LRRC7: variants seen among roughly 807,000 people sequenced by gnomAD.
LRRC7 encodes the protein leucine-rich repeat-containing protein 7.
Under a neutral mutation model 175.7 loss-of-function variants are expected in LRRC7, and 23 were observed. The observed-to-expected ratio is 0.13, with a 90% confidence interval of 0.09 to 0.19. The LOEUF is 0.19. Among genes scored for constraint, LRRC7 ranks in the 10% least tolerant of loss-of-function variants. The pLI is 1.00. For synonymous variants in LRRC7, 685 were observed against 680.9 expected (o/e 1.01, Z -0.09); for missense variants, 1,354 against 1,904.7 (o/e 0.71, Z 5.38).
At chr1:70,070,544 A>C (rs764550391) in intron 23 of LRRC7, among the ~76,000 whole-genome samples, 68 of 152,114 alleles carry the variant, frequency 4.5e-4, no homozygotes, top group Non-Finnish European at 8.5e-4. Flanking sequence ...TTATGTTATA[A>C]AACTCTGTAT....
At chr1:69,789,151 T>A (rs1459988877) in intron 3 of LRRC7, among the ~76,000 whole-genome samples, 1 of 152,150 alleles carries the variant, frequency 6.6e-6, no homozygotes, top group African/African-American at 2.4e-5. Flanking sequence ...ATGTTTACTT[T>A]GGTGTCAGTA....
At chr1:70,013,293 TATGTA>T (rs1190486228) in intron 13 of LRRC7, among the ~76,000 whole-genome samples, 1 of 151,918 alleles carries the variant, frequency 6.6e-6, no homozygotes, top group Non-Finnish European at 1.5e-5. Flanking sequence ...ATCAAAAGCA[TATGTA>T]ATGTATTAAA....
chr1:69,822,984 G>A (rs992932904), intron 4 of LRRC7, among the ~76,000 whole-genome samples: 1 of 152,148 alleles, frequency 6.6e-6, no homozygotes, highest in African/African-American at 2.4e-5. Flanking sequence ...GTTTGGTGGT[G>A]TATAGGATTT....
At chr1:70,040,970 T>C (rs553835140) in intron 21 of LRRC7, among the ~76,000 whole-genome samples, 2 of 152,338 alleles carry the variant, frequency 1.3e-5, no homozygotes, top group South Asian at 2.1e-4. Flanking sequence ...CTATCTTCAA[T>C]TGACCATCGT....
intron 6 of LRRC7, 147 bp downstream of exon 6, chr1:69,835,016 GA>G (rs1177629175): frequency 1.8e-6 from 1 of 560,904 alleles, no homozygotes; most frequent in African/African-American, 1.9e-5. Flanking sequence ...GTTAATTAAT[GA>G]AACTTTTGCA....
At chr1:69,939,826 C>T (rs1393601250) in intron 8 of LRRC7, among the ~76,000 whole-genome samples, 1 of 152,070 alleles carries the variant, frequency 6.6e-6, no homozygotes, top group African/African-American at 2.4e-5. Flanking sequence ...TCATCAGAAT[C>T]ATGCCTATAT....
intron 25 of LRRC7, among the ~76,000 whole-genome samples, chr1:70,093,742 T>G (rs1286506886): frequency 1.3e-5 from 2 of 152,182 alleles, no homozygotes; most frequent in Admixed American, 6.5e-5. Context: ...ATATAACTTG[T>G]GGACTAAGGT....
intron 1 of LRRC7, among the ~76,000 whole-genome samples, chr1:69,577,864 C>G (rs1026285858): frequency 5.9e-5 from 9 of 152,108 alleles, no homozygotes; most frequent in Non-Finnish European, 1.3e-4. Flanking sequence ...GCGATGCGGG[C>G]TCTTTTTTGG....
chr1:69,980,294 C>G lies in LRRC7; in HGVS notation c.712-85C>G, dbSNP rs1570895271. 4 of 1,154,100 alleles carry G rather than the reference C, an allele frequency of 3.5e-6. No homozygotes were observed. The East Asian group carries it at 9.6e-5, about 28-fold the overall frequency. The allele number at this position is 1,154,100 out of a possible 1,614,324, so 71.5% of individuals were successfully genotyped here. A position where few individuals can be genotyped will look rare whatever the true frequency, so the allele number is the denominator to read the frequency against. ...GATTCCCAAATAAAAGCTCAAGATC[C>G]AAGAAATTACATCTTATGTTTGTGA... On this transcript the variant is annotated intron_variant, in intron 8 of 26. Coordinates refer to ENST00000651989, the MANE Select transcript of LRRC7 (RefSeq NM_001370785.2).
chr1:69,933,106 A>G (rs1444825279), intron 8 of LRRC7, among the ~76,000 whole-genome samples: 1 of 152,204 alleles, frequency 6.6e-6, no homozygotes, highest in Non-Finnish European at 1.5e-5. Flanking sequence ...CTCACCAGCC[A>G]TGACCTCAGT....
At chr1:70,053,238 A>C in intron 23 of LRRC7, 93 bp downstream of exon 23, 1 of 1,204,678 alleles carries the variant, frequency 8.3e-7, no homozygotes, top group African/African-American at 1.6e-5. Context: ...ATAATTTCTA[A>C]GTTTGTGATA....
chr1:69,685,295 C>A (rs757936823), intron 2 of LRRC7, among the ~76,000 whole-genome samples: 3 of 152,152 alleles, frequency 2.0e-5, no homozygotes, highest in Non-Finnish European at 4.4e-5. Flanking sequence ...AGTCTCCTAA[C>A]ATAATAATCA....
intron 2 of LRRC7, among the ~76,000 whole-genome samples, chr1:69,693,486 C>T (rs1038824974): frequency 1.1e-4 from 17 of 152,168 alleles, no homozygotes; most frequent in African/African-American, 4.1e-4. Context: ...GAGGAGTTGA[C>T]ATTGCCATTC....
At chr1:69,967,492 A>G (rs927865012) in intron 8 of LRRC7, among the ~76,000 whole-genome samples, 3 of 152,196 alleles carry the variant, frequency 2.0e-5, no homozygotes, top group African/African-American at 7.2e-5. Context: ...AGGATGCCAG[A>G]TAGCACAAAA....
chr1:69,967,149 G>C (rs1359237214), intron 8 of LRRC7, among the ~76,000 whole-genome samples: 1 of 152,116 alleles, frequency 6.6e-6, no homozygotes, highest in Non-Finnish European at 1.5e-5. Context: ...AATTGCGTGG[G>C]AGGTGGGTGA....
At chr1:69,766,443 G>A (rs1569621359) in intron 3 of LRRC7, among the ~76,000 whole-genome samples, 1 of 152,146 alleles carries the variant, frequency 6.6e-6, no homozygotes, top group South Asian at 2.1e-4. Context: ...CACATTAACT[G>A]TTTTGTGTCT....
chr1:70,021,191 T>C, intron 16 of LRRC7, 62 bp downstream of exon 16: 1 of 1,534,698 alleles, frequency 6.5e-7, no homozygotes, highest in Non-Finnish European at 8.9e-7. Context: ...TCCGTTTTTC[T>C]TATTCAGATA....
At chr1:69,794,892 G>C (rs1024827426) in intron 4 of LRRC7, among the ~76,000 whole-genome samples, 6 of 152,046 alleles carry the variant, frequency 3.9e-5, no homozygotes, top group African/African-American at 1.4e-4. Context: ...CTATTACCTC[G>C]GGGCTTTTAG....
chr1:70,113,315 A>T (rs1665643234), intron 26 of LRRC7, among the ~76,000 whole-genome samples: 1 of 152,196 alleles, frequency 6.6e-6, no homozygotes, highest in Non-Finnish European at 1.5e-5. Context: ...GAAAAAAAAC[A>T]TAAGCTAGAA....
Sources: allele counts gnomAD v4.1 joint callset (sites outside exome capture counted in the v4.1 genomes callset), GRCh38; gene constraint gnomAD v4.1.1; transcripts MANE v1.5; gene names NCBI Gene and HGNC (gene_info 2026-07-23, HGNC 2026-07-21).